The following CRPPA variants were observed in gnomAD, a reference collection of about 807,000 sequenced individuals.
The protein encoded by CRPPA is D-ribitol-5-phosphate cytidylyltransferase.
Under a neutral mutation model 52.0 loss-of-function variants are expected in CRPPA, and 43 were observed. That is an observed-to-expected ratio of 0.83 (90% CI 0.65 to 1.07). The LOEUF (loss-of-function observed/expected upper bound fraction) is 1.07, where lower values mean the gene tolerates loss of function less well. Among genes scored for constraint, CRPPA ranks in the 50% least tolerant of loss-of-function variants. The pLI, the probability that CRPPA is intolerant of heterozygous loss-of-function variation, is 0.00. For synonymous variants in CRPPA, 250 were observed against 203.5 expected, an observed-to-expected ratio of 1.23 and a Z score of -1.94; for missense variants, 629 against 551.7, an observed-to-expected ratio of 1.14 and a Z score of -1.40.
At chr7:16,358,340 T>A (rs140334259) in intron 3 of CRPPA, among the ~76,000 whole-genome samples, 1 of 152,236 alleles carries the variant, frequency 6.6e-6, no homozygotes, top group East Asian at 1.9e-4. Flanking sequence ...GTTTACAGGG[T>A]CCAGCAGACA....
chr7:16,190,790 C>T (rs1449592676), intron 9 of CRPPA, among the ~76,000 whole-genome samples: 1 of 152,076 alleles, frequency 6.6e-6, no homozygotes, highest in Non-Finnish European at 1.5e-5. Flanking sequence ...CCCCAAGTCC[C>T]CGAAATCCAT....
chr7:16,129,148 C>A (rs1309897900), intron 9 of CRPPA, among the ~76,000 whole-genome samples: 2 of 152,090 alleles, frequency 1.3e-5, no homozygotes, highest in East Asian at 3.9e-4. Context: ...ATCATGCTCT[C>A]CCTTTCTCTC....
At chr7:16,149,756 C>T (rs1424694829) in intron 9 of CRPPA, among the ~76,000 whole-genome samples, 5 of 152,090 alleles carry the variant, frequency 3.3e-5, no homozygotes, top group South Asian at 2.1e-4. Context: ...GAGGCTGAGG[C>T]GAGCAGACTG....
chr7:16,167,038 C>T (rs1781082076), intron 9 of CRPPA, among the ~76,000 whole-genome samples: 1 of 151,812 alleles, frequency 6.6e-6, no homozygotes, highest in Admixed American at 6.6e-5. Context: ...ACACCATTGT[C>T]CTGCCTCAGC....
chr7:16,283,137 T>C (rs1784351683), intron 5 of CRPPA, among the ~76,000 whole-genome samples: 3 of 151,744 alleles, frequency 2.0e-5, no homozygotes, highest in African/African-American at 7.3e-5. Context: ...TTTTATGATG[T>C]GGGGATTACA....
chr7:16,217,362 G>A (rs1562564372), intron 8 of CRPPA, among the ~76,000 whole-genome samples: 2 of 151,998 alleles, frequency 1.3e-5, no homozygotes, highest in African/African-American at 4.8e-5. Context: ...AGAAAAACTG[G>A]AAACTCTAAA....
rs1788323078 is a variant in CRPPA, at chr7:16,421,082, G to T, written c.241C>A (p.Leu81Ile). The T allele has an allele frequency of 2.3e-6, 3 of 1,293,676 alleles. No homozygotes were observed. The highest frequency in any genetic ancestry group is 2.0e-6 in the Non-Finnish European group (2 of 1,013,884). The allele number at this position is 1,293,676 out of a possible 1,614,324, so 80.1% of individuals were successfully genotyped here. ...ILERPLISYT[L>I]QALERVCWIK... ...CCGCATTACCTCTCCAGGGCCTGTA[G>T]GGTGTAGCTGATGAGCGGCCTCTCC... The change falls in exon 1 of 10, where the codon CTA (leucine) becomes ATA (isoleucine). Residue 81 changes from leucine to isoleucine, a missense_variant. Coordinates refer to ENST00000407010, the MANE Select transcript of CRPPA (RefSeq NM_001101426.4).
chr7:16,354,591 G>C (rs1024973240), intron 3 of CRPPA, among the ~76,000 whole-genome samples: 1 of 152,114 alleles, frequency 6.6e-6, no homozygotes, highest in East Asian at 1.9e-4. Context: ...GATTACTTTA[G>C]AAGAGAAAAA....
At chr7:16,120,469 G>A (rs557842415) in intron 9 of CRPPA, among the ~76,000 whole-genome samples, 2 of 152,244 alleles carry the variant, frequency 1.3e-5, no homozygotes, top group South Asian at 4.1e-4. Context: ...CTATATAGAT[G>A]TCAGTACTTA....
chr7:16,259,100 G>T, intron 6 of CRPPA, 88 bp from the exon 7 acceptor site: 1 of 836,710 alleles, frequency 1.2e-6, no homozygotes, highest in Non-Finnish European at 1.8e-6. Flanking sequence ...ATTGCTAGAA[G>T]GCCCATAAAG....
intron 3 of CRPPA, among the ~76,000 whole-genome samples, chr7:16,313,416 G>A (rs1785077857): frequency 6.6e-6 from 1 of 151,764 alleles, no homozygotes; most frequent in Non-Finnish European, 1.5e-5. Flanking sequence ...TAATGTCCGT[G>A]CTTTCATTTC....
chr7:16,274,030 G>A (rs531934592), intron 6 of CRPPA, among the ~76,000 whole-genome samples: 98 of 152,024 alleles, frequency 6.4e-4, no homozygotes, highest in Non-Finnish European at 1.1e-3. Context: ...TCAGTGTTGT[G>A]GCTGTTTTTG....
chr7:16,358,457 G>A (rs1171421555), intron 3 of CRPPA, among the ~76,000 whole-genome samples: 1 of 152,074 alleles, frequency 6.6e-6, no homozygotes, highest in Middle Eastern at 3.2e-3. Context: ...TCTGATTTTT[G>A]CCTATTTTTA....
rs138029897 is a variant in CRPPA at position 16,197,722 on chromosome 7, T to C, written c.1251+18344A>G. On this transcript the variant is annotated intron_variant, in intron 9 of 9. Coordinates refer to ENST00000407010, the MANE Select transcript of CRPPA (RefSeq NM_001101426.4). The stretch of plus-strand genomic sequence containing the variant: ...ATCCAAATCTCTGCACTAGAGGCAA[T>C]GTGGGGAAAAGCAAGAGAGATCAGA... 4.0e-4 allele frequency among the ~76,000 whole-genome samples: 60 copies of C among 148,584 alleles called. 13 individuals carry two copies. In the East Asian group the frequency reaches 0.014, roughly 34 times the overall value.
intron 3 of CRPPA, among the ~76,000 whole-genome samples, chr7:16,370,414 C>T (rs1786718115): frequency 6.6e-6 from 1 of 152,132 alleles, no homozygotes; most frequent in South Asian, 2.1e-4. Context: ...GAGCTGAACC[C>T]ACTGCTGGGA....
chr7:16,259,464 C>T (rs1389403379), intron 6 of CRPPA, among the ~76,000 whole-genome samples: 2 of 151,908 alleles, frequency 1.3e-5, no homozygotes, highest in African/African-American at 2.4e-5. Context: ...GAAATCATCA[C>T]AACAATATAA....
At chr7:16,355,027 C>G (rs954649152) in intron 3 of CRPPA, among the ~76,000 whole-genome samples, 1 of 152,016 alleles carries the variant, frequency 6.6e-6, no homozygotes, top group African/African-American at 2.4e-5. Flanking sequence ...ATTAAGTAAC[C>G]AAACCTAATC....
chr7:16,321,285 C>T (rs773619828), intron 3 of CRPPA, among the ~76,000 whole-genome samples: 1 of 152,050 alleles, frequency 6.6e-6, no homozygotes, highest in Non-Finnish European at 1.5e-5. Context: ...CTAAGAATCT[C>T]CCTAAAATGC....
At chr7:16,130,500 C>G (rs957522372) in intron 9 of CRPPA, among the ~76,000 whole-genome samples, 5 of 151,820 alleles carry the variant, frequency 3.3e-5, no homozygotes, top group Non-Finnish European at 7.4e-5. Context: ...TTCCTCTGTT[C>G]TATACTATCC....
Sources: allele counts gnomAD v4.1 joint callset (sites outside exome capture counted in the v4.1 genomes callset), GRCh38; gene constraint gnomAD v4.1.1; transcripts MANE v1.5; gene names NCBI Gene and HGNC (gene_info 2026-07-23, HGNC 2026-07-21).